ELFN2: variants seen among roughly 807,000 people sequenced by gnomAD.
ELFN2 encodes the protein extracellular leucine rich repeat and fibronectin type III domain containing 2.
A neutral mutation model predicts 45.5 loss-of-function variants in ELFN2; 17 were observed. The ratio of observed to expected loss-of-function variants is 0.37; its 90% CI spans 0.26 to 0.56. ELFN2 has a LOEUF of 0.56. Ranked by LOEUF, ELFN2 falls within the 20% of genes least tolerant of loss-of-function variation. ELFN2 has a pLI of 0.77. For synonymous variants in ELFN2, 550 were observed against 551.5 expected, an observed-to-expected ratio of 1.00 and a Z score of 0.04; for missense variants, 922 against 1,183.2, an observed-to-expected ratio of 0.78 and a Z score of 3.24.
At chr22:37,361,330 C>T (rs1931080766) in intron 1 of ELFN2, among the ~76,000 whole-genome samples, 1 of 151,886 alleles carries the variant, frequency 6.6e-6, no homozygotes, top group African/African-American at 2.4e-5. Flanking sequence ...TCTGAGCCCC[C>T]CTCCTCCCTA....
chr22:37,400,742 G>C (rs752925948), intron 2 of ELFN2, among the ~76,000 whole-genome samples: 108 of 152,340 alleles, frequency 7.1e-4, no homozygotes, highest in Non-Finnish European at 1.3e-3. Context: ...GAGTTTCCTT[G>C]AACAAATAAA....
At chr22:37,386,181 C>T (rs1473089330) in intron 2 of ELFN2, among the ~76,000 whole-genome samples, 1 of 152,204 alleles carries the variant, frequency 6.6e-6, no homozygotes, top group African/African-American at 2.4e-5. Context: ...ACACTGCCAG[C>T]TGGCCTAGCC....
chr22:37,423,277 C>T (rs1160497496), intron 1 of ELFN2, among the ~76,000 whole-genome samples: 1 of 152,180 alleles, frequency 6.6e-6, no homozygotes, highest in Non-Finnish European at 1.5e-5. Flanking sequence ...CCCCTCCTTT[C>T]CTGTCTCTCC....
chr22:37,375,381 G>A lies in ELFN2; in HGVS notation c.154C>T (p.His52Tyr), dbSNP rs1220077499. The A allele has an allele frequency of 7.4e-6, 12 of 1,614,210 alleles. No individual in the cohort carries two copies. Among genetic ancestry groups the A allele is most frequent in the Non-Finnish European group, 1.0e-5 (12 of 1,180,036 alleles). ...NQPPYETIPQ[H>Y]INSTVHDLRL... ...AGGTCGTGCACGGTGCTATTGATGT[G>A]CTGCGGGATGGTCTCGTAGGGCGGC... Residue 52 changes from histidine (H) to tyrosine (Y), a missense_variant, in exon 3 of 3, where the codon CAC becomes TAC. By Grantham distance (83) the His-to-Tyr change is moderately conservative. Coordinates refer to ENST00000402918, the MANE Select transcript of ELFN2 (RefSeq NM_052906.5).
intron 2 of ELFN2, among the ~76,000 whole-genome samples, chr22:37,413,528 C>T (rs1299716001): frequency 6.6e-6 from 1 of 150,940 alleles, no homozygotes; most frequent in Admixed American, 6.6e-5. Flanking sequence ...CATGACTGCA[C>T]CACTGCACTC....
At chr22:37,400,832 G>A (rs1932342828) in intron 2 of ELFN2, among the ~76,000 whole-genome samples, 1 of 152,244 alleles carries the variant, frequency 6.6e-6, no homozygotes, top group African/African-American at 2.4e-5. Flanking sequence ...TCAAACGAGG[G>A]CATTAGCCTG....
intron 2 of ELFN2, chr22:37,385,338 T>A (rs1312594509): frequency 6.6e-6 from 1 of 152,268 alleles, no homozygotes; most frequent in East Asian, 1.9e-4. Flanking sequence ...CACAGTGGCT[T>A]CCAGCCTCCA....
At position 37,372,478 on chromosome 22, in the gene ELFN2, TGGGAAGTTGGGGGACTTGA is replaced by T. The variant is rs1219783470; in HGVS notation, c.*575_*593del. 2.0e-5 allele frequency: 3 copies of T among 152,822 alleles called. No individual in the cohort carries two copies. Among genetic ancestry groups the T allele is most frequent in the African/African-American group, 7.2e-5 (3 of 41,424 alleles). The allele number at this position is 152,822 out of a possible 1,614,324, so 9.5% of individuals were successfully genotyped here. On this transcript the variant is annotated 3_prime_UTR_variant, in exon 3 of 3. Coordinates refer to ENST00000402918, the MANE Select transcript of ELFN2 (RefSeq NM_052906.5). The surrounding 1 kb of genome is among the most constrained non-coding windows in gnomAD (Gnocchi z 4.4). ...AGGGGGTTCCGGGACAGCACTGGGCTGGGAAGTTGGGGGACTTGAGGCTAAGCTGCTGTGTGACCCTGGG... is the reference window on the plus strand; with the variant it reads ...AGGGGGTTCCGGGACAGCACTGGGCTGGCTAAGCTGCTGTGTGACCCTGGG...
chr22:37,407,895 A>C (rs1346799509), intron 2 of ELFN2, among the ~76,000 whole-genome samples: 2 of 146,946 alleles, frequency 1.4e-5, no homozygotes, highest in African/African-American at 5.0e-5. Flanking sequence ...ACTCCGTCTC[A>C]AAAAAAAAAA....
intron 2 of ELFN2, among the ~76,000 whole-genome samples, chr22:37,387,156 G>A (rs796576773): frequency 2.2e-4 from 33 of 152,298 alleles, no homozygotes; most frequent in African/African-American, 7.9e-4. Flanking sequence ...AGTCCCGAGG[G>A]CAACACACCC....
intron 2 of ELFN2, among the ~76,000 whole-genome samples, chr22:37,410,492 G>C (rs765598414): frequency 1.3e-5 from 2 of 152,072 alleles, no homozygotes; most frequent in Non-Finnish European, 2.9e-5. Flanking sequence ...GTTCCCTGTT[G>C]AGCCCCCGCT....
At chr22:37,413,411 A>C (rs1290404543) in intron 2 of ELFN2, among the ~76,000 whole-genome samples, 1 of 152,046 alleles carries the variant, frequency 6.6e-6, no homozygotes, top group African/African-American at 2.4e-5. Flanking sequence ...TACAAAAAAA[A>C]AAAAGCTTGG....
At chr22:37,398,664 G>A (rs551421074) in intron 2 of ELFN2, among the ~76,000 whole-genome samples, 1 of 152,242 alleles carries the variant, frequency 6.6e-6, no homozygotes, top group East Asian at 1.9e-4. Flanking sequence ...GGCCCCTCAT[G>A]ATCTGGCTTG....
At chr22:37,390,870 CA>C (rs1336521538) in intron 2 of ELFN2, among the ~76,000 whole-genome samples, 1 of 152,170 alleles carries the variant, frequency 6.6e-6, no homozygotes, top group African/African-American at 2.4e-5. Context: ...CAGGCTGGCC[CA>C]GGGGGAGGCC....
chr22:37,394,606 G>A (rs1452269823), intron 2 of ELFN2, among the ~76,000 whole-genome samples: 1 of 152,188 alleles, frequency 6.6e-6, no homozygotes, highest in African/African-American at 2.4e-5. Flanking sequence ...CTCCCGCCCC[G>A]GCACACAGTA....
intron 2 of ELFN2, among the ~76,000 whole-genome samples, chr22:37,402,252 T>C (rs1932381420): frequency 6.6e-6 from 1 of 152,202 alleles, no homozygotes. Flanking sequence ...CTCCGGTTAA[T>C]CCATTTGTAG....
chr22:37,414,377 G>T (rs1932727607), intron 2 of ELFN2, among the ~76,000 whole-genome samples: 1 of 152,186 alleles, frequency 6.6e-6, no homozygotes, highest in African/African-American at 2.4e-5. Flanking sequence ...TGAGCCAGGA[G>T]AGCAGCAGTG....
downstream of ELFN2, among the ~76,000 whole-genome samples, chr22:37,363,657 C>T (rs9607452): frequency 0.2 from 30,601 of 152,002 alleles, 3,428 homozygotes; most frequent in African/African-American, 0.29. Context: ...CAGCATATGC[C>T]GGAGAGGCAG....
At chr22:37,420,043 A>G (rs1189901823) in intron 1 of ELFN2, among the ~76,000 whole-genome samples, 1 of 152,166 alleles carries the variant, frequency 6.6e-6, no homozygotes, top group East Asian at 1.9e-4. Context: ...GTAAGGAGGA[A>G]AGCCGGGCCA....
Sources: gnomAD v4.1 joint callset for allele counts (sites outside exome capture counted in the v4.1 genomes callset) on GRCh38, gnomAD v4.1.1 for gene constraint, Gnocchi (gnomAD v3.1) non-coding constraint, MANE v1.5 for transcripts, NCBI Gene and HGNC (gene_info 2026-07-23, HGNC 2026-07-21) for gene names.